THSD4: variants seen among roughly 807,000 people sequenced by gnomAD.
THSD4 encodes thrombospondin type-1 domain-containing protein 4.
A neutral mutation model predicts 119.0 loss-of-function variants in THSD4; 69 were observed. That is an observed-to-expected ratio of 0.58 (90% confidence interval 0.48 to 0.71). The LOEUF is 0.71. Ranked by LOEUF, THSD4 falls within the 30% of genes least tolerant of loss-of-function variation. THSD4 has a pLI of 0.00. For synonymous variants in THSD4, 524 were observed against 540.4 expected (o/e 0.97, Z 0.42); for missense variants, 1,393 against 1,391.1 (o/e 1.00, Z -0.02).
At chr15:71,459,324 ATCTCTCTCTCTCTGTCTCTCTGTCTC>A (rs2047386908) in intron 7 of THSD4, among the ~76,000 whole-genome samples, 3 of 101,202 alleles carry the variant, frequency 3.0e-5, no homozygotes. Flanking sequence ...ATGCCCAACT[ATCTCTCTCTCTCTGTCTCTCTGTCTC>A]TCTCTCTCTC....
intron 8 of THSD4, among the ~76,000 whole-genome samples, chr15:71,680,989 G>A (rs1567097540): frequency 6.8e-6 from 1 of 147,916 alleles, no homozygotes; most frequent in Admixed American, 6.9e-5. Flanking sequence ...CATGATCTCA[G>A]CTCACTGCAA....
At chr15:71,259,640 C>T (rs978759234) in intron 6 of THSD4, among the ~76,000 whole-genome samples, 7 of 152,146 alleles carry the variant, frequency 4.6e-5, no homozygotes, top group Admixed American at 2.6e-4. Flanking sequence ...CTCCTAGAGA[C>T]ACTGATGCCT....
rs1360169129 is a variant in THSD4, at chr15:71,350,861, G to C, written c.1016-60826G>C. On this transcript the variant is annotated intron_variant, in intron 6 of 17. Transcript: ENST00000261862. ...AGGCAAACCACGTGGCCACACTTTTGTATTAAGCTTGTTGGTAACTCTCCT... is the reference window on the plus strand; with the variant it reads ...AGGCAAACCACGTGGCCACACTTTTCTATTAAGCTTGTTGGTAACTCTCCT... Among the ~76,000 whole-genome samples, 3 of 152,194 alleles carry C rather than the reference G, an allele frequency of 2.0e-5. No individual in the cohort carries two copies. In the East Asian group the frequency reaches 5.8e-4, roughly 29 times the overall value.
At chr15:71,428,415 A>G (rs1159287359) in intron 7 of THSD4, among the ~76,000 whole-genome samples, 1 of 152,134 alleles carries the variant, frequency 6.6e-6, no homozygotes, top group Non-Finnish European at 1.5e-5. Flanking sequence ...CACCAGTTAT[A>G]TTGACATAGG....
chr15:71,098,402 T>G (rs796669920), intron 1 of THSD4, among the ~76,000 whole-genome samples: 98 of 152,004 alleles, frequency 6.4e-4, no homozygotes, highest in African/African-American at 2.2e-3. Context: ...TTTGTAATTT[T>G]TGTATTTTTG....
intron 7 of THSD4, among the ~76,000 whole-genome samples, chr15:71,550,579 G>T (rs2048912258): frequency 6.6e-6 from 1 of 152,144 alleles, no homozygotes; most frequent in African/African-American, 2.4e-5. Context: ...TGGGACTACA[G>T]GTGCCTGCCG....
At chr15:71,191,179 C>T (rs1293540681) in intron 3 of THSD4, among the ~76,000 whole-genome samples, 1 of 152,090 alleles carries the variant, frequency 6.6e-6, no homozygotes, top group Non-Finnish European at 1.5e-5. Context: ...CATCTTTGTC[C>T]CATAGCACTT....
chr15:71,384,265 C>A (rs1740378022), intron 6 of THSD4, among the ~76,000 whole-genome samples: 1 of 152,084 alleles, frequency 6.6e-6, no homozygotes, highest in African/African-American at 2.4e-5. Flanking sequence ...GTAGTCCCAG[C>A]TACTCAGGAG....
intron 7 of THSD4, among the ~76,000 whole-genome samples, chr15:71,639,339 G>T (rs1280058248): frequency 6.6e-6 from 1 of 152,104 alleles, no homozygotes; most frequent in African/African-American, 2.4e-5. Flanking sequence ...TGTAATTTGG[G>T]AATGACATTC....
Position 71,751,835 on chromosome 15 carries a change from T to G in THSD4, c.2415+3241T>G, listed in dbSNP as rs564780618. 6.6e-5 allele frequency among the ~76,000 whole-genome samples: 10 copies of G among 152,276 alleles called. No homozygotes were observed. In the South Asian group the frequency reaches 1.5e-3, roughly 22 times the overall value. On this transcript the variant is annotated intron_variant, in intron 14 of 17. Transcript: ENST00000261862. ...GTTATAAGCCTCCATACACGGGTGA[T>G]GTTTTACTGTTTAAAACAGAATATT...
chr15:71,437,278 T>A (rs561745862), intron 7 of THSD4, among the ~76,000 whole-genome samples: 5 of 152,334 alleles, frequency 3.3e-5, no homozygotes, highest in African/African-American at 1.2e-4. Flanking sequence ...TCCAAACACT[T>A]GCCACTAGGC....
In THSD4 at chr15:71,405,584, T is replaced by C. The variant is rs187346453; in HGVS notation, c.1016-6103T>C. On this transcript the variant is annotated intron_variant, in intron 6 of 17. Coordinates refer to ENST00000261862, the MANE Select transcript of THSD4 (RefSeq NM_024817.3). The stretch of plus-strand genomic sequence containing the variant: ...CCTTATGAAAATACCACACTTACTG[T>C]TGATTCGTAGTAAGTTTTAAAATCA... 6.8e-3 allele frequency among the ~76,000 whole-genome samples: 1,042 copies of C among 152,354 alleles called. 6 individuals carry two copies. Among genetic ancestry groups the C allele is most frequent in the Non-Finnish European group, 0.012 (814 of 68,032 alleles).
chr15:71,173,594 TTA>T (rs909846214), intron 3 of THSD4, among the ~76,000 whole-genome samples: 2 of 149,006 alleles, frequency 1.3e-5, no homozygotes, highest in Admixed American at 1.3e-4. Context: ...ATATACATTT[TTA>T]TATATATATG....
intron 7 of THSD4, among the ~76,000 whole-genome samples, chr15:71,548,658 A>G (rs548161031): frequency 2.0e-5 from 3 of 152,316 alleles, no homozygotes; most frequent in African/African-American, 7.2e-5. Context: ...GAGCCCTTGA[A>G]TGGGAGCAGG....
At chr15:71,701,963 G>A (rs748383110) in intron 8 of THSD4, among the ~76,000 whole-genome samples, 1 of 152,196 alleles carries the variant, frequency 6.6e-6, no homozygotes, top group Non-Finnish European at 1.5e-5. Flanking sequence ...AAAACTGCCA[G>A]AGGTAACACT....
At chr15:71,655,433 A>G (rs2051170775) in intron 7 of THSD4, among the ~76,000 whole-genome samples, 1 of 152,222 alleles carries the variant, frequency 6.6e-6, no homozygotes, top group Non-Finnish European at 1.5e-5. Context: ...GTGTTACAGA[A>G]GTACGGGTGG....
intron 11 of THSD4, among the ~76,000 whole-genome samples, chr15:71,741,562 ATCT>A (rs2053235725): frequency 6.6e-6 from 1 of 152,132 alleles, no homozygotes; most frequent in African/African-American, 2.4e-5. Context: ...ATTTTGTTTA[ATCT>A]TCTGTCCTTT....
Position 71,518,356 on chromosome 15 carries a change from T to A in THSD4, c.1152+106533T>A, listed in dbSNP as rs894780842. Among the ~76,000 whole-genome samples, 5 of 152,028 alleles carry A rather than the reference T, an allele frequency of 3.3e-5. No homozygotes were observed. The East Asian group carries it at 9.6e-4, about 29-fold the overall frequency. On this transcript the variant is annotated intron_variant, in intron 7 of 17. Transcript: ENST00000261862. ...ATGGGATCCACTATTCTCAGGAAAA[T>A]GATGTGATGATCTGCTGTCTTTCTC...
At chr15:71,368,944 G>A (rs949357639) in intron 6 of THSD4, among the ~76,000 whole-genome samples, 115 of 152,234 alleles carry the variant, frequency 7.6e-4, no homozygotes, top group Non-Finnish European at 1.2e-3. Context: ...ATTTGTTTGT[G>A]TCCTCTTTTA....
Sources: gnomAD v4.1 joint callset for allele counts (sites outside exome capture counted in the v4.1 genomes callset) on GRCh38, gnomAD v4.1.1 for gene constraint, MANE v1.5 for transcripts, NCBI Gene and HGNC (gene_info 2026-07-23, HGNC 2026-07-21) for gene names.